TSHZ2: variants seen among roughly 807,000 people sequenced by gnomAD.
TSHZ2 encodes the protein teashirt homolog 2.
Under a neutral mutation model 74.4 loss-of-function variants are expected in TSHZ2, and 21 were observed. The observed-to-expected ratio is 0.28, with a 90% confidence interval of 0.20 to 0.41. The LOEUF is 0.41. Ranked by LOEUF, TSHZ2 falls within the 10% of genes least tolerant of loss-of-function variation. TSHZ2 has a pLI of 1.00. For synonymous variants in TSHZ2, 540 were observed against 515.3 expected (o/e 1.05, Z -0.65); for missense variants, 1,244 against 1,293.5 (o/e 0.96, Z 0.59).
chr20:53,316,591 C>CA (rs397936955), intron 2 of TSHZ2, among the ~76,000 whole-genome samples: 65,871 of 139,400 alleles, frequency 0.47, 14,968 homozygotes, highest in Non-Finnish European at 0.54. Flanking sequence ...TTAAAAATGA[C>CA]AAAAAAAAAA....
At chr20:53,287,637 A>C (rs146557101) in intron 2 of TSHZ2, among the ~76,000 whole-genome samples, 7 of 152,334 alleles carry the variant, frequency 4.6e-5, no homozygotes, top group Non-Finnish European at 1.0e-4. Context: ...ATGGAGACTG[A>C]GATTGGAAAA....
intron 1 of TSHZ2, among the ~76,000 whole-genome samples, chr20:53,226,436 ATG>A (rs56780548): frequency 1.4e-5 from 2 of 145,192 alleles, no homozygotes; most frequent in Admixed American, 6.9e-5. Context: ...CGGTGTGTGT[ATG>A]TGTGTGTGTG....
At chr20:53,221,444 G>A (rs1239165126) in intron 1 of TSHZ2, among the ~76,000 whole-genome samples, 1 of 152,076 alleles carries the variant, frequency 6.6e-6, no homozygotes, top group Non-Finnish European at 1.5e-5. Flanking sequence ...TTATCTTCTG[G>A]GTCAGCAGGG....
intron 1 of TSHZ2, chr20:53,185,619 CAAAAAAAGA>C (rs1568801042): frequency 8.5e-6 from 13 of 1,534,376 alleles, no homozygotes; most frequent in South Asian, 1.2e-5. Context: ...GACTCCATCT[CAAAAAAAGA>C]AAAAAAAGAA....
At position 53,254,432 on chromosome 20, in the gene TSHZ2, T is replaced by C. The variant is rs1990414396; in HGVS notation, c.974T>C (p.Phe325Ser). 6.2e-6 allele frequency: 10 copies of C among 1,613,096 alleles called. No individual in the cohort carries two copies. The highest frequency in any genetic ancestry group is 8.5e-6 in the Non-Finnish European group (10 of 1,179,198). ...GTCACCCCGGCTAAGAAACGCGTTT[T>C]TGATGTCAATCGGCCGTGTTCCCCC... ...KMVTPAKKRV[F>S]DVNRPCSPDS... is the part of the protein sequence containing the mutation. The change falls in exon 2 of 3, where the codon TTT becomes TCT. Residue 325 changes from phenylalanine (F) to serine (S), a missense_variant. By Grantham distance (155) the Phe-to-Ser change is radical. Coordinates refer to ENST00000371497, the MANE Select transcript of TSHZ2 (RefSeq NM_173485.6).
At position 53,202,217 on chromosome 20, in the gene TSHZ2, G is replaced by A. The variant is rs117475399; in HGVS notation, c.41-51282G>A. ...GGTGATTGGAGCATTGTAGAGGGTC[G>A]ATGAGTACCTGCTGGCTTTGGTTTT... On this transcript the variant is annotated intron_variant, in intron 1 of 2. Transcript: ENST00000371497. Among the ~76,000 whole-genome samples the A allele has an allele frequency of 8.9e-4, 136 of 152,220 alleles. 1 individual carries two copies. Among genetic ancestry groups the A allele is most frequent in the Middle Eastern group, 3.4e-3 (1 of 294 alleles).
At chr20:53,406,889 A>G (rs1178694906) in intron 2 of TSHZ2, among the ~76,000 whole-genome samples, 1 of 152,186 alleles carries the variant, frequency 6.6e-6, no homozygotes, top group Non-Finnish European at 1.5e-5. Flanking sequence ...ATGAGGTGAC[A>G]TCAAAATGCA....
At chr20:53,352,398 T>A (rs1468860162) in intron 2 of TSHZ2, among the ~76,000 whole-genome samples, 2 of 152,108 alleles carry the variant, frequency 1.3e-5, no homozygotes, top group Non-Finnish European at 2.9e-5. Flanking sequence ...TCTTATAAAC[T>A]AAGTTAGGCT....
At chr20:53,243,822 CTTTT>C (rs5841936) in intron 1 of TSHZ2, among the ~76,000 whole-genome samples, 1 of 145,702 alleles carries the variant, frequency 6.9e-6, no homozygotes, top group African/African-American at 2.5e-5. Flanking sequence ...TGCTTGCTTG[CTTTT>C]TTTTTTTTTC....
At chr20:53,445,084 T>TA (rs1396306399) in intron 2 of TSHZ2, among the ~76,000 whole-genome samples, 3 of 152,114 alleles carry the variant, frequency 2.0e-5, no homozygotes, top group East Asian at 3.8e-4. Flanking sequence ...TTCACATTAT[T>TA]AAAAAAATAA....
chr20:53,294,472 T>A (rs370899731), intron 2 of TSHZ2, among the ~76,000 whole-genome samples: 305 of 147,032 alleles, frequency 2.1e-3, no homozygotes, highest in African/African-American at 7.3e-3. Flanking sequence ...CACAAGCTTA[T>A]AAAAAAAAAA....
At chr20:53,047,842 C>A (rs914943355) in intron 1 of TSHZ2, among the ~76,000 whole-genome samples, 1 of 152,160 alleles carries the variant, frequency 6.6e-6, no homozygotes, top group Non-Finnish European at 1.5e-5. Context: ...GCATGGAGTG[C>A]ATACCCCATG....
At chr20:53,109,625 T>C (rs1040888393) in intron 1 of TSHZ2, among the ~76,000 whole-genome samples, 10 of 152,246 alleles carry the variant, frequency 6.6e-5, no homozygotes, top group African/African-American at 1.4e-4. Context: ...TCCCTTTGTT[T>C]TATTTGCAGT....
At chr20:53,220,767 A>T (rs1361755409) in intron 1 of TSHZ2, among the ~76,000 whole-genome samples, 1 of 152,262 alleles carries the variant, frequency 6.6e-6, no homozygotes, top group Non-Finnish European at 1.5e-5. Flanking sequence ...TAAGAAAATG[A>T]TAATGGGTAC....
chr20:53,233,128 A>G (rs142169483), intron 1 of TSHZ2, among the ~76,000 whole-genome samples: 219 of 152,376 alleles, frequency 1.4e-3, no homozygotes, highest in African/African-American at 5.1e-3. Context: ...ATTTTAAGAT[A>G]CCATTGATTG....
At chr20:53,483,538 A>C (rs1042980208) in intron 2 of TSHZ2, among the ~76,000 whole-genome samples, 1 of 152,124 alleles carries the variant, frequency 6.6e-6, no homozygotes, top group Admixed American at 6.5e-5. Context: ...AAACAAAACA[A>C]AACAAATTTT....
intron 2 of TSHZ2, among the ~76,000 whole-genome samples, chr20:53,382,883 T>G (rs190234562): frequency 6.6e-6 from 1 of 152,256 alleles, no homozygotes; most frequent in Admixed American, 6.5e-5. Flanking sequence ...CTTGGCCAAG[T>G]CACTGCTCCT....
intron 2 of TSHZ2, among the ~76,000 whole-genome samples, chr20:53,470,866 A>C (rs909282004): frequency 2.0e-5 from 3 of 152,162 alleles, no homozygotes; most frequent in African/African-American, 7.2e-5. Context: ...TTTCATTTTC[A>C]ACCAAACAGC....
At chr20:53,215,822 C>T (rs940314174) in intron 1 of TSHZ2, among the ~76,000 whole-genome samples, 19 of 149,828 alleles carry the variant, frequency 1.3e-4, no homozygotes, top group African/African-American at 3.0e-4. Flanking sequence ...GAGCCGAGGT[C>T]GCGCCATTGC....
Sources: gnomAD v4.1 joint callset for allele counts (sites outside exome capture counted in the v4.1 genomes callset) on GRCh38, gnomAD v4.1.1 for gene constraint, MANE v1.5 for transcripts, NCBI Gene and HGNC (gene_info 2026-07-23, HGNC 2026-07-21) for gene names.